Variants in GPM6B observed in about 807,000 individuals in gnomAD.
The protein encoded by GPM6B is neuronal membrane glycoprotein M6-b.
A neutral mutation model predicts 27.2 loss-of-function variants in GPM6B; 4 were observed. The ratio of observed to expected loss-of-function variants is 0.15; its 90% CI spans 0.07 to 0.34. GPM6B has a LOEUF of 0.34. Among genes scored for constraint, GPM6B ranks in the 10% least tolerant of loss-of-function variants. The pLI is 1.00. For missense variants in GPM6B, 183 were observed against 261.9 expected, an observed-to-expected ratio of 0.70 and a Z score of 2.08; for synonymous variants, 124 against 103.1, an observed-to-expected ratio of 1.20 and a Z score of -1.23.
intron 2 of GPM6B, among the ~76,000 whole-genome samples, chrX:13,802,660 T>G (rs1347623690): frequency 9.0e-6 from 1 of 111,084 alleles, no homozygotes; most frequent in Admixed American, 9.6e-5. Flanking sequence ...GCTTTGAAAA[T>G]GAAAGAATTG....
intron 2 of GPM6B, among the ~76,000 whole-genome samples, chrX:13,806,570 C>A (rs1262886928): frequency 8.9e-6 from 1 of 111,886 alleles, no homozygotes; most frequent in South Asian, 3.7e-4. Flanking sequence ...TAACCCAAGA[C>A]AGAACTAAAT....
chrX:13,803,671 T>C (rs1444167197), intron 2 of GPM6B, among the ~76,000 whole-genome samples: 1 of 112,115 alleles, frequency 8.9e-6, no homozygotes, highest in Non-Finnish European at 1.9e-5. Context: ...TTGCATGTCA[T>C]TGGATTATAT....
intron 1 of GPM6B, among the ~76,000 whole-genome samples, chrX:13,875,771 G>A (rs1051630411): frequency 8.9e-6 from 1 of 112,117 alleles, no homozygotes; most frequent in African/African-American, 3.2e-5. Flanking sequence ...AGCCAGACAC[G>A]GTAGGCCACA....
At chrX:13,889,791 C>T (rs1242762462) in intron 1 of GPM6B, among the ~76,000 whole-genome samples, 1 of 108,624 alleles carries the variant, frequency 9.2e-6, no homozygotes, top group Non-Finnish European at 1.9e-5. Context: ...AATCTGTAAC[C>T]ATGAAATAAC....
intron 1 of GPM6B, among the ~76,000 whole-genome samples, chrX:13,852,177 G>A (rs753297662): frequency 5.4e-5 from 6 of 111,107 alleles, no homozygotes; most frequent in Non-Finnish European, 1.1e-4. Flanking sequence ...CTCTGCCACC[G>A]TAGCAAAAAA....
In GPM6B at chrX:13,855,298, C is replaced by T. The variant is rs376963649; in HGVS notation, c.-197-69490G>A. ...TCTCTCAAAGTGTTGCGATTATAGG[C>T]GTGAGCCACCGCGCCCGGCTCCCCT... On this transcript the variant is annotated intron_variant, in intron 1 of 6. Transcript: ENST00000398361. 6.2e-5 allele frequency among the ~76,000 whole-genome samples: 7 copies of T among 112,532 alleles called. No homozygotes were observed. In the South Asian group the frequency reaches 1.8e-3, roughly 30 times the overall value.
intron 1 of GPM6B, among the ~76,000 whole-genome samples, chrX:13,871,132 G>C (rs2049974509): frequency 9.1e-6 from 1 of 110,366 alleles, no homozygotes; most frequent in Admixed American, 9.6e-5. Flanking sequence ...AAAGAAGTTA[G>C]AGCTGTTTCA....
chrX:13,938,496 C>T (rs774222082), upstream of GPM6B: 3 of 950,429 alleles, frequency 3.2e-6, no homozygotes, highest in Non-Finnish European at 4.0e-6. Flanking sequence ...GCAGCCAGCG[C>T]GCTCGCTTAC....
chrX:13,772,767 G>T lies in GPM6B; in HGVS notation c.*114C>A. On this transcript the variant is annotated 3_prime_UTR_variant, in exon 8 of 8. Coordinates refer to ENST00000316715, the MANE Select transcript of GPM6B (RefSeq NM_001001995.3). ...ATCCCAGCAGCTTGAGACAGACAGT[G>T]AAGTGTTTGTACATCTACATTAGTT... 1.5e-6 allele frequency: 1 copy of T among 651,418 alleles called. No individual in the cohort carries two copies. Among genetic ancestry groups the T allele is most frequent in the Non-Finnish European group, 2.3e-6 (1 of 430,599 alleles). 53.7% of individuals were successfully genotyped at this position (651,418 alleles called of 1,213,427 possible). A position where few individuals can be genotyped will look rare whatever the true frequency, so the allele number is the denominator to read the frequency against.
At chrX:13,837,728 G>GGGGGGGGC (rs2049520595) in intron 1 of GPM6B, among the ~76,000 whole-genome samples, 2 of 71,305 alleles carry the variant, frequency 2.8e-5, no homozygotes, top group Non-Finnish European at 5.5e-5. Flanking sequence ...GGGGGGGGGG[G>GGGGGGGGC]AAGCAGAGGG....
chrX:13,926,268 C>T (rs1208695776), intron 1 of GPM6B, among the ~76,000 whole-genome samples: 1 of 106,750 alleles, frequency 9.4e-6, no homozygotes, highest in Non-Finnish European at 1.9e-5. Context: ...ATTAGCCGGG[C>T]GTAGTGGCGG....
Position 13,845,178 on chromosome X carries a change from T to C in GPM6B, c.-197-59370A>G, listed in dbSNP as rs747239560. 2.7e-3 allele frequency among the ~76,000 whole-genome samples: 295 copies of C among 110,118 alleles called. 1 individual carries two copies. The highest frequency in any genetic ancestry group is 4.5e-3 in the Non-Finnish European group (240 of 52,752). On this transcript the variant is annotated intron_variant, in intron 1 of 6. Coordinates refer to the GPM6B transcript ENST00000398361. ...CTAATTTTTGTATTTTTAGTAGAGA[T>C]GAGGTTTCACCAGGTTGGCCACGCT...
chrX:13,807,737 A>G lies in GPM6B; in HGVS notation c.94T>C (p.Tyr32His). 1 of 1,206,249 alleles carries G rather than the reference A, an allele frequency of 8.3e-7. No homozygotes were observed. Among genetic ancestry groups the G allele is most frequent in the Non-Finnish European group, 1.1e-6 (1 of 891,543 alleles). Residue 32 changes from tyrosine to histidine, a missense_variant, in exon 2 of 8, where the codon TAC (tyrosine) becomes CAC (histidine). Physicochemically the swap from Tyr to His is moderately conservative, Grantham distance 83. Transcript: ENST00000316715. ...TTTGAGCCTGGGTACATCCAGTGGT[A>G]CCTGCCAATTTCCATTTCAGCTCTG... ...NSRAEMEIGR[Y>H]HWMYPGSKNH...
At chrX:13,909,581 C>G (rs1879064310) in intron 1 of GPM6B, among the ~76,000 whole-genome samples, 1 of 111,334 alleles carries the variant, frequency 9.0e-6, no homozygotes, top group Non-Finnish European at 1.9e-5. Flanking sequence ...CTAATCATGC[C>G]CTTATTATTT....
At chrX:13,933,191 A>C (rs910266091) in intron 1 of GPM6B, among the ~76,000 whole-genome samples, 6 of 112,005 alleles carry the variant, frequency 5.4e-5, no homozygotes, top group African/African-American at 1.6e-4. Flanking sequence ...ATAATATGCC[A>C]ATCATTCCAA....
chrX:13,852,773 C>CTT (rs386416656), intron 1 of GPM6B, among the ~76,000 whole-genome samples: 5,031 of 88,906 alleles, frequency 0.057, 404 homozygotes, highest in African/African-American at 0.19. Flanking sequence ...ACAACAAAAA[C>CTT]TTTTTTTTTT....
At chrX:13,804,336 T>C (rs892974885) in intron 2 of GPM6B, among the ~76,000 whole-genome samples, 1 of 103,164 alleles carries the variant, frequency 9.7e-6, no homozygotes, top group African/African-American at 3.6e-5. Context: ...AGACTTAGCA[T>C]GAACTACTCC....
rs191692537 is a variant in GPM6B at position 13,916,604 on chromosome X, T to C, written c.-198+21723A>G. Among the ~76,000 whole-genome samples, 11 of 110,281 alleles carry C rather than the reference T, an allele frequency of 1.0e-4. No individual in the cohort carries two copies. The East Asian group carries it at 1.7e-3, about 17-fold the overall frequency. ...CCACGCCAAGCTATTGGATGGAAACTAATGCAGCATGTCTGCACTGTTTAA... is the reference window on the plus strand; with the variant it reads ...CCACGCCAAGCTATTGGATGGAAACCAATGCAGCATGTCTGCACTGTTTAA... On this transcript the variant is annotated intron_variant, in intron 1 of 6. Transcript: ENST00000398361.
chrX:13,786,073 T>C (rs7062574), intron 2 of GPM6B, among the ~76,000 whole-genome samples: 1,666 of 112,464 alleles, frequency 0.015, 29 homozygotes, highest in African/African-American at 0.05. Flanking sequence ...GAGCAGTCAA[T>C]TGACAAAGAG....
Sources: allele counts gnomAD v4.1 joint callset (sites outside exome capture counted in the v4.1 genomes callset), GRCh38; gene constraint gnomAD v4.1.1; transcripts MANE v1.5; gene names NCBI Gene and HGNC (gene_info 2026-07-23, HGNC 2026-07-21).